The following CELF4 variants were observed in gnomAD, a reference collection of about 807,000 sequenced individuals.
CELF4 encodes CUGBP Elav-like family member 4, also known as CUG-BP- and ETR-3-like factor 4.
A neutral mutation model predicts 59.9 loss-of-function variants in CELF4; 18 were observed. The observed-to-expected ratio is 0.30, with a 90% CI of 0.21 to 0.45. The LOEUF (loss-of-function observed/expected upper bound fraction) is 0.45. Ranked by LOEUF, CELF4 falls within the 20% of genes least tolerant of loss-of-function variation. The pLI, the probability that CELF4 is intolerant of heterozygous loss-of-function variation, is 1.00. For missense variants in CELF4, 456 were observed against 689.0 expected, an observed-to-expected ratio of 0.66 and a Z score of 3.79; for synonymous variants, 261 against 267.1, an observed-to-expected ratio of 0.98 and a Z score of 0.22.
chr18:37,421,586 A>ACCTGCTG (rs2099578568), intron 2 of CELF4, among the ~76,000 whole-genome samples: 2 of 152,194 alleles, frequency 1.3e-5, no homozygotes, highest in Admixed American at 1.3e-4. Context: ...CCAGACAGTG[A>ACCTGCTG]CCTGCTGCCT....
At chr18:37,295,850 G>T (rs139928085) in intron 3 of CELF4, among the ~76,000 whole-genome samples, 6 of 152,324 alleles carry the variant, frequency 3.9e-5, no homozygotes, top group Admixed American at 3.9e-4. Flanking sequence ...TGCACTGGGG[G>T]TCAGGGCCTG....
Position 37,485,284 on chromosome 18 carries a change from C to G in CELF4, c.369+241G>C, listed in dbSNP as rs866550735. On this transcript the variant is annotated intron_variant, in intron 2 of 12. Coordinates refer to ENST00000420428, the MANE Select transcript of CELF4 (RefSeq NM_020180.4). ...GGGGACCCGGGACGCGCCGCTCCCCCGCCCCAGGCTGCCCGCGCAGGAACT... is the reference window on the plus strand; with the variant it reads ...GGGGACCCGGGACGCGCCGCTCCCCGGCCCCAGGCTGCCCGCGCAGGAACT... 2.3e-3 allele frequency among the ~76,000 whole-genome samples: 347 copies of G among 152,010 alleles called. 2 individuals carry two copies. Among genetic ancestry groups the G allele is most frequent in the Middle Eastern group, 0.021 (6 of 290 alleles).
At chr18:37,313,020 G>A (rs2096732076) in intron 3 of CELF4, among the ~76,000 whole-genome samples, 2 of 152,232 alleles carry the variant, frequency 1.3e-5, no homozygotes, top group African/African-American at 4.8e-5. Context: ...GGACAGAAAA[G>A]TGTGGAAGCA....
intron 2 of CELF4, among the ~76,000 whole-genome samples, chr18:37,460,738 G>A (rs1173698547): frequency 6.6e-6 from 1 of 152,220 alleles, no homozygotes; most frequent in Non-Finnish European, 1.5e-5. Context: ...TGCTAATGCT[G>A]GTTACCATTT....
At chr18:37,264,646 G>A (rs375866285) in intron 10 of CELF4, 28 bp downstream of exon 10, 3 of 1,547,962 alleles carry the variant, frequency 1.9e-6, no homozygotes, top group Non-Finnish European at 2.6e-6. Context: ...GGGGAGGGAG[G>A]GGCCCAGGAG....
intron 2 of CELF4, among the ~76,000 whole-genome samples, chr18:37,368,588 T>G (rs189690351): frequency 2.0e-5 from 3 of 152,334 alleles, no homozygotes; most frequent in Admixed American, 2.0e-4. Context: ...AATCCAATTT[T>G]CTGCCATAAA....
At chr18:37,523,141 C>T (rs1015667162) in intron 1 of CELF4, among the ~76,000 whole-genome samples, 8 of 151,968 alleles carry the variant, frequency 5.3e-5, no homozygotes, top group African/African-American at 1.9e-4. Flanking sequence ...CGGCTGGGCA[C>T]ACATTCACGT....
chr18:37,261,389 A>G (rs1477998673), intron 10 of CELF4, among the ~76,000 whole-genome samples: 3 of 152,122 alleles, frequency 2.0e-5, no homozygotes, highest in African/African-American at 7.2e-5. Flanking sequence ...TGTTCTCCTT[A>G]GAGATAAGGA....
chr18:37,389,785 G>A (rs955480454), intron 2 of CELF4, among the ~76,000 whole-genome samples: 4 of 152,256 alleles, frequency 2.6e-5, no homozygotes, highest in African/African-American at 9.6e-5. Flanking sequence ...CCAGTATACC[G>A]CAAAATGCTG....
chr18:37,251,546 CT>C (rs1359162210), intron 12 of CELF4, among the ~76,000 whole-genome samples: 7 of 152,212 alleles, frequency 4.6e-5, no homozygotes, highest in Admixed American at 2.0e-4. Flanking sequence ...TCATATCCCC[CT>C]AACCCCCAAA....
intron 2 of CELF4, among the ~76,000 whole-genome samples, chr18:37,415,106 ATGTC>A (rs1441871924): frequency 2.4e-4 from 37 of 152,180 alleles, no homozygotes; most frequent in Non-Finnish European, 5.4e-4. Context: ...AGGAGAAAAT[ATGTC>A]TGTCAGGCAG....
intron 10 of CELF4, among the ~76,000 whole-genome samples, chr18:37,263,226 G>A (rs1449058595): frequency 1.3e-5 from 2 of 152,116 alleles, no homozygotes; most frequent in Admixed American, 6.5e-5. Context: ...GGAAGGAGGT[G>A]CCAGAGTCCC....
chr18:37,458,547 T>A (rs1246841822), intron 2 of CELF4, among the ~76,000 whole-genome samples: 1 of 152,236 alleles, frequency 6.6e-6, no homozygotes, highest in Non-Finnish European at 1.5e-5. Flanking sequence ...GGAGACCTTG[T>A]TACAGTTTGC....
chr18:37,519,311 G>C (rs1184018106), intron 1 of CELF4, among the ~76,000 whole-genome samples: 1 of 152,096 alleles, frequency 6.6e-6, no homozygotes, highest in Admixed American at 6.5e-5. Context: ...TGGTGGTACT[G>C]CTCTTCTGGA....
At chr18:37,357,767 T>G (rs1476010639) in intron 2 of CELF4, among the ~76,000 whole-genome samples, 2 of 152,184 alleles carry the variant, frequency 1.3e-5, no homozygotes, top group Non-Finnish European at 2.9e-5. Flanking sequence ...GAAACCTACC[T>G]CTTGCATCAG....
intron 2 of CELF4, chr18:37,473,810 C>T (rs1027267722): frequency 1.3e-5 from 2 of 152,240 alleles, no homozygotes; most frequent in East Asian, 1.9e-4. Flanking sequence ...CAATATTATC[C>T]GGCCCTTCTC....
intron 3 of CELF4, among the ~76,000 whole-genome samples, chr18:37,318,266 A>G (rs1041895922): frequency 6.7e-6 from 1 of 149,896 alleles, no homozygotes; most frequent in African/African-American, 2.5e-5. Context: ...CACTGTCTTC[A>G]AGGCCTCGCT....
At chr18:37,319,367 C>T (rs529964219) in intron 3 of CELF4, among the ~76,000 whole-genome samples, 3 of 152,222 alleles carry the variant, frequency 2.0e-5, no homozygotes, top group Admixed American at 6.5e-5. Flanking sequence ...CCTTGACTAC[C>T]GGGGTCCTTA....
At chr18:37,284,697 AGGTGGT>A (rs1266964308) in intron 3 of CELF4, among the ~76,000 whole-genome samples, 1 of 152,202 alleles carries the variant, frequency 6.6e-6, no homozygotes, top group East Asian at 1.9e-4. Context: ...TCAGTCCTCC[AGGTGGT>A]GGTTGTAAGA....
Sources: gnomAD v4.1 joint callset for allele counts (sites outside exome capture counted in the v4.1 genomes callset) on GRCh38, gnomAD v4.1.1 for gene constraint, MANE v1.5 for transcripts, NCBI Gene and HGNC (gene_info 2026-07-23, HGNC 2026-07-21) for gene names.